PLXNC1: variants seen among roughly 807,000 people sequenced by gnomAD.
The protein encoded by PLXNC1 is plexin-C1.
A neutral mutation model predicts 178.2 loss-of-function variants in PLXNC1; 75 were observed. The observed-to-expected ratio is 0.42, with a 90% CI of 0.35 to 0.51. The LOEUF (loss-of-function observed/expected upper bound fraction) is 0.51. Ranked by LOEUF, PLXNC1 falls within the 20% of genes least tolerant of loss-of-function variation. PLXNC1 has a pLI of 0.02. For synonymous variants in PLXNC1, 790 were observed against 779.9 expected, an observed-to-expected ratio of 1.01 and a Z score of -0.22; for missense variants, 1,503 against 1,984.4, an observed-to-expected ratio of 0.76 and a Z score of 4.61.
intron 21 of PLXNC1, among the ~76,000 whole-genome samples, chr12:94,265,715 G>A (rs1965196701): frequency 6.6e-6 from 1 of 152,132 alleles, no homozygotes; most frequent in Admixed American, 6.5e-5. Context: ...CAAATGTTTG[G>A]TGTCATGCAC....
At chr12:94,165,863 A>G (rs1961588761) in intron 1 of PLXNC1, among the ~76,000 whole-genome samples, 1 of 152,066 alleles carries the variant, frequency 6.6e-6, no homozygotes, top group Non-Finnish European at 1.5e-5. Flanking sequence ...TGATGAGATC[A>G]CACAACTGTA....
intron 4 of PLXNC1, among the ~76,000 whole-genome samples, chr12:94,202,667 C>T (rs17022193): frequency 0.015 from 2,265 of 152,328 alleles, 63 homozygotes; most frequent in African/African-American, 0.052. Context: ...GGCACACGCT[C>T]GGGAGGGCCT....
intron 12 of PLXNC1, among the ~76,000 whole-genome samples, chr12:94,246,577 G>T (rs547631317): frequency 2.0e-5 from 3 of 152,176 alleles, no homozygotes; most frequent in African/African-American, 7.2e-5. Flanking sequence ...AGAGTAAATC[G>T]CATGGCGCGA....
intron 4 of PLXNC1, among the ~76,000 whole-genome samples, chr12:94,196,192 G>A (rs1013376246): frequency 6.6e-6 from 1 of 152,154 alleles, no homozygotes. Flanking sequence ...GAGAGGGCCC[G>A]ATAGGGCTTA....
At chr12:94,189,970 G>A (rs1476027473) in intron 4 of PLXNC1, among the ~76,000 whole-genome samples, 1 of 152,134 alleles carries the variant, frequency 6.6e-6, no homozygotes, top group African/African-American at 2.4e-5. Context: ...ATCACAATGA[G>A]GAGGGACCTG....
chr12:94,151,231 A>T (rs1054012988), intron 1 of PLXNC1, among the ~76,000 whole-genome samples: 1 of 152,134 alleles, frequency 6.6e-6, no homozygotes, highest in African/African-American at 2.4e-5. Context: ...GCTCCCAGGT[A>T]TATTAATATG....
intron 20 of PLXNC1, chr12:94,262,864 T>G (rs1965037449): frequency 1.2e-6 from 1 of 812,736 alleles, no homozygotes; most frequent in African/African-American, 1.9e-5. Flanking sequence ...CTATCTTTTC[T>G]CATTTCATCC....
At chr12:94,292,208 ATTCTAT>A (rs1967409130) in intron 23 of PLXNC1, among the ~76,000 whole-genome samples, 1 of 152,208 alleles carries the variant, frequency 6.6e-6, no homozygotes, top group Non-Finnish European at 1.5e-5. Flanking sequence ...ATACTGTATG[ATTCTAT>A]TTATATGATA....
Position 94,220,118 on chromosome 12 carries a change from A to G in PLXNC1, c.1657A>G (p.Asn553Asp), listed in dbSNP as rs1287425294. The change falls in exon 6 of 31, where the codon AAC becomes GAC. Residue 553 changes from asparagine to aspartate, a missense_variant. By Grantham distance (23) the Asn-to-Asp change is conservative (BLOSUM62 1). Coordinates refer to ENST00000258526, the MANE Select transcript of PLXNC1 (RefSeq NM_005761.3). Reference sequence around the variant, plus strand: ...GCTCTGCCAGAATAAAAGTCAGCCCAACCGGACCTGCACCTGTAGCATCCC... The same window carrying G: ...GCTCTGCCAGAATAAAAGTCAGCCCGACCGGACCTGCACCTGTAGCATCCC... Reference protein sequence around the residue: ...RELCQNKSQPNRTCTCSIPTR... With the variant: ...RELCQNKSQPDRTCTCSIPTR... The G allele has an allele frequency of 6.2e-7, 1 of 1,614,096 alleles. No homozygotes were observed. The highest frequency in any genetic ancestry group is 2.2e-5 in the East Asian group (1 of 44,896).
chr12:94,258,051 C>T (rs1310694071), intron 17 of PLXNC1, among the ~76,000 whole-genome samples: 3 of 146,968 alleles, frequency 2.0e-5, no homozygotes, highest in Non-Finnish European at 3.0e-5. Flanking sequence ...TGCTTGAACC[C>T]GGGAGGCAGA....
At chr12:94,166,110 A>T (rs1336333096) in intron 1 of PLXNC1, among the ~76,000 whole-genome samples, 1 of 152,062 alleles carries the variant, frequency 6.6e-6, no homozygotes, top group Non-Finnish European at 1.5e-5. Flanking sequence ...GCTTGGGTTC[A>T]TTGCTGTCTG....
At position 94,149,749 on chromosome 12, in the gene PLXNC1, G is replaced by C; in HGVS notation, c.778G>C (p.Gly260Arg). The change falls in exon 1 of 31, where the codon GGC becomes CGC. Residue 260 changes from glycine to arginine, a missense_variant. Gly to Arg is a moderately radical substitution (Grantham distance 125, BLOSUM62 -2). Transcript: ENST00000258526. ...CAACTACACGAGCGGCGCTGCCACC[G>C]GCTGGCCCAGCATGGCGCGCATCGC... ...PYNYTSGAAT[G>R]WPSMARIAQS... 1 of 1,610,670 alleles carries C rather than the reference G, an allele frequency of 6.2e-7. No homozygotes were observed. Among genetic ancestry groups the C allele is most frequent in the Non-Finnish European group, 8.5e-7 (1 of 1,179,396 alleles).
intron 9 of PLXNC1, among the ~76,000 whole-genome samples, chr12:94,228,048 G>C (rs1466357708): frequency 1.3e-5 from 2 of 152,210 alleles, no homozygotes; most frequent in Non-Finnish European, 2.9e-5. Context: ...CTAATCTGTG[G>C]TTTTGACTTC....
At chr12:94,271,774 T>A (rs1965585972) in intron 21 of PLXNC1, among the ~76,000 whole-genome samples, 2 of 152,338 alleles carry the variant, frequency 1.3e-5, no homozygotes, top group Non-Finnish European at 2.9e-5. Flanking sequence ...TGAGGTGTGC[T>A]TTTCTCTTGT....
intron 9 of PLXNC1, among the ~76,000 whole-genome samples, chr12:94,227,774 G>A (rs549949143): frequency 5.9e-5 from 9 of 152,118 alleles, no homozygotes; most frequent in African/African-American, 1.2e-4. Context: ...GGAAATGCCC[G>A]TTATTTTCTT....
chr12:94,304,234 AGTTT>A, intron 30 of PLXNC1, 183 bp downstream of exon 30: 1 of 503,214 alleles, frequency 2.0e-6, no homozygotes, highest in Non-Finnish European at 3.6e-6. Context: ...CCCCCCTTAC[AGTTT>A]TATCATGCTG....
intron 4 of PLXNC1, chr12:94,186,674 G>A: frequency 2.0e-6 from 1 of 502,878 alleles, no homozygotes; most frequent in Non-Finnish European, 3.7e-6. Flanking sequence ...ACTGGACCCG[G>A]GAGCTCCCCA....
chr12:94,209,532 G>T (rs1442861099), intron 4 of PLXNC1, 58 bp from the exon 5 acceptor site: 2 of 958,450 alleles, frequency 2.1e-6, no homozygotes, highest in Non-Finnish European at 3.4e-6. Context: ...CACGTATGGG[G>T]TCGCTGTTTT....
intron 4 of PLXNC1, among the ~76,000 whole-genome samples, chr12:94,208,939 G>A (rs780419959): frequency 6.6e-6 from 1 of 152,220 alleles, no homozygotes; most frequent in Non-Finnish European, 1.5e-5. Context: ...CAGCCTCTGA[G>A]CTGGCTGACT....
Sources: allele counts gnomAD v4.1 joint callset (sites outside exome capture counted in the v4.1 genomes callset), GRCh38; gene constraint gnomAD v4.1.1; transcripts MANE v1.5; gene names NCBI Gene and HGNC (gene_info 2026-07-23, HGNC 2026-07-21).